The following TBC1D5 variants were observed in gnomAD, a reference collection of about 807,000 sequenced individuals.
The protein encoded by TBC1D5 is TBC1 domain family, member 5.
In TBC1D5, 75 loss-of-function variants were observed where a neutral mutation model predicts 100.3. The observed-to-expected ratio is 0.75, with a 90% CI of 0.62 to 0.91. TBC1D5 has a LOEUF of 0.91. Ranked by LOEUF, TBC1D5 falls within the 40% of genes least tolerant of loss-of-function variation. The pLI, the probability that TBC1D5 is intolerant of heterozygous loss-of-function variation, is 0.00. For missense variants in TBC1D5, 910 were observed against 942.4 expected (o/e 0.97, Z 0.45); for synonymous variants, 323 against 325.6 (o/e 0.99, Z 0.09).
chr3:17,704,595 G>C (rs1282455392), intron 1 of TBC1D5, among the ~76,000 whole-genome samples: 1 of 72,662 alleles, frequency 1.4e-5, no homozygotes, highest in Non-Finnish European at 2.9e-5. Flanking sequence ...CTGGCCGGGC[G>C]GGGGGCCGAC....
chr3:17,266,131 A>G (rs371477548), intron 15 of TBC1D5, among the ~76,000 whole-genome samples: 1 of 152,138 alleles, frequency 6.6e-6, no homozygotes, highest in South Asian at 2.1e-4. Context: ...TTTTGCCTGT[A>G]ATTAAAGCTG....
At chr3:17,402,687 A>G (rs1229220144) in intron 8 of TBC1D5, among the ~76,000 whole-genome samples, 1 of 152,164 alleles carries the variant, frequency 6.6e-6, no homozygotes, top group African/African-American at 2.4e-5. Context: ...CTAAGTAACA[A>G]ATTACCCTTT....
intron 2 of TBC1D5, among the ~76,000 whole-genome samples, chr3:17,542,695 T>C (rs2096370504): frequency 6.6e-6 from 1 of 152,246 alleles, no homozygotes; most frequent in Non-Finnish European, 1.5e-5. Context: ...TCAAGTGCTT[T>C]TTCTGCATCT....
chr3:17,190,574 C>T (rs139902460), intron 18 of TBC1D5, among the ~76,000 whole-genome samples: 117 of 152,262 alleles, frequency 7.7e-4, no homozygotes, highest in African/African-American at 2.6e-3. Context: ...TCTGTTCATC[C>T]CTGTTGCATT....
chr3:17,682,561 C>G (rs1466395432), intron 1 of TBC1D5, among the ~76,000 whole-genome samples: 1 of 151,308 alleles, frequency 6.6e-6, no homozygotes, highest in Non-Finnish European at 1.5e-5. Flanking sequence ...AATTAAGACT[C>G]CTGTTAAACA....
intron 14 of TBC1D5, among the ~76,000 whole-genome samples, chr3:17,301,249 C>G (rs1026239157): frequency 7.3e-5 from 11 of 151,492 alleles, no homozygotes; most frequent in African/African-American, 1.9e-4. Flanking sequence ...AAATAGAGAC[C>G]ATGTTTTTTG....
chr3:17,656,745 G>A (rs2066098723), intron 1 of TBC1D5, among the ~76,000 whole-genome samples: 1 of 152,008 alleles, frequency 6.6e-6, no homozygotes, highest in African/African-American at 2.4e-5. Flanking sequence ...ACTGTGTGCT[G>A]AATGCATTTC....
chr3:17,413,693 A>G (rs17043589), intron 4 of TBC1D5, among the ~76,000 whole-genome samples: 9,250 of 152,206 alleles, frequency 0.061, 548 homozygotes, highest in African/African-American at 0.15. Flanking sequence ...TATGACTAGA[A>G]GGCTTCTGAA....
intron 2 of TBC1D5, among the ~76,000 whole-genome samples, chr3:17,563,051 TCA>T (rs1167586284): frequency 1.3e-5 from 2 of 152,214 alleles, no homozygotes; most frequent in Non-Finnish European, 2.9e-5. Context: ...CGTAAGTATA[TCA>T]CAGTTATGTA....
intron 3 of TBC1D5, among the ~76,000 whole-genome samples, chr3:17,444,357 T>C (rs1441234295): frequency 6.6e-6 from 1 of 152,094 alleles, no homozygotes; most frequent in Non-Finnish European, 1.5e-5. Context: ...TGAATTTACA[T>C]ACTACATAAA....
At chr3:17,330,734 A>G (rs1282789774) in intron 13 of TBC1D5, among the ~76,000 whole-genome samples, 2 of 152,162 alleles carry the variant, frequency 1.3e-5, no homozygotes, top group East Asian at 3.8e-4. Flanking sequence ...TCAGACTAAT[A>G]TGTGTAGCTG....
intron 18 of TBC1D5, among the ~76,000 whole-genome samples, chr3:17,197,543 A>AT (rs577739725): frequency 1.4e-3 from 209 of 151,942 alleles, no homozygotes; most frequent in Middle Eastern, 6.8e-3. Context: ...AGCCCAGCTA[A>AT]TTTTTTTTGG....
intron 4 of TBC1D5, among the ~76,000 whole-genome samples, chr3:17,416,419 A>G (rs1018361590): frequency 4.2e-4 from 64 of 152,228 alleles, no homozygotes; most frequent in African/African-American, 1.5e-3. Context: ...TTGGACAGGG[A>G]AGCTTAAAAT....
chr3:17,227,524 C>T (rs1312271745), intron 17 of TBC1D5, among the ~76,000 whole-genome samples: 10 of 151,942 alleles, frequency 6.6e-5, no homozygotes, highest in Non-Finnish European at 1.2e-4. Context: ...TACAACCATA[C>T]AAAAGAACAT....
At chr3:17,259,590 T>TAA (rs2078073202) in intron 15 of TBC1D5, among the ~76,000 whole-genome samples, 1 of 152,128 alleles carries the variant, frequency 6.6e-6, no homozygotes, top group African/African-American at 2.4e-5. Context: ...ATGCACTTCC[T>TAA]TTGAGATACA....
intron 15 of TBC1D5, among the ~76,000 whole-genome samples, chr3:17,278,610 G>A (rs2080264951): frequency 6.6e-6 from 1 of 152,128 alleles, no homozygotes; most frequent in Non-Finnish European, 1.5e-5. Flanking sequence ...CATGCTTTGT[G>A]AAGGTGAGTT....
In TBC1D5 at chr3:17,279,781, A is replaced by C. The variant is rs1326779544; in HGVS notation, c.1245+12114T>G. Among the ~76,000 whole-genome samples, 4 of 152,290 alleles carry C rather than the reference A, an allele frequency of 2.6e-5. 1 individual carries two copies. Among genetic ancestry groups the C allele is most frequent in the South Asian group, 4.1e-4 (2 of 4,826 alleles). Reference sequence around the variant, plus strand: ...GAGTTCTGGGTCCTATCACAGATCTATTTACATTAGAATATCTGGGAATCT... The same window carrying C: ...GAGTTCTGGGTCCTATCACAGATCTCTTTACATTAGAATATCTGGGAATCT... On this transcript the variant is annotated intron_variant, in intron 15 of 21. Coordinates refer to ENST00000253692, the Ensembl canonical transcript of TBC1D5.
chr3:17,190,977 G>GA (rs1200867690), intron 18 of TBC1D5, among the ~76,000 whole-genome samples: 1 of 152,200 alleles, frequency 6.6e-6, no homozygotes, highest in Non-Finnish European at 1.5e-5. Flanking sequence ...ATGTTCGGAG[G>GA]AAGCTGTGGT....
chr3:17,280,897 G>T (rs930502442), intron 15 of TBC1D5, among the ~76,000 whole-genome samples: 2 of 152,190 alleles, frequency 1.3e-5, no homozygotes, highest in African/African-American at 2.4e-5. Flanking sequence ...GCTTCAGGGT[G>T]GGGGAGTGGG....
Sources: gnomAD v4.1 joint callset for allele counts (sites outside exome capture counted in the v4.1 genomes callset) on GRCh38, gnomAD v4.1.1 for gene constraint, MANE v1.5 for transcripts, NCBI Gene and HGNC (gene_info 2026-07-23, HGNC 2026-07-21) for gene names.